The following EYS variants were observed in gnomAD, a reference collection of about 807,000 sequenced individuals.
EYS encodes protein eyes shut homolog.
Under a neutral mutation model 282.1 loss-of-function variants are expected in EYS, and 250 were observed. The ratio of observed to expected loss-of-function variants is 0.89; its 90% CI spans 0.80 to 0.98. EYS has a LOEUF of 0.98. Among genes scored for constraint, EYS ranks in the 50% least tolerant of loss-of-function variants. The probability of loss-of-function intolerance (pLI) is 0.00; values close to 1 mark genes in which losing one functional copy is unlikely to be tolerated. For synonymous variants in EYS, 1,355 were observed against 1,282.9 expected (o/e 1.06, Z -1.20); for missense variants, 4,016 against 3,709.0 (o/e 1.08, Z -2.15).
chr6:65,442,798 A>G (rs1239220735), intron 5 of EYS, among the ~76,000 whole-genome samples: 3 of 124,144 alleles, frequency 2.4e-5, no homozygotes, highest in African/African-American at 7.6e-5. Context: ...AAATATATAG[A>G]CACACACACA....
chr6:64,695,746 G>A (rs560781607), intron 22 of EYS, among the ~76,000 whole-genome samples: 7 of 151,738 alleles, frequency 4.6e-5, no homozygotes, highest in South Asian at 2.1e-4. Flanking sequence ...CACCATGCCC[G>A]GCTAATTTTT....
At chr6:65,453,929 T>C (rs990795212) in intron 5 of EYS, among the ~76,000 whole-genome samples, 2 of 151,930 alleles carry the variant, frequency 1.3e-5, no homozygotes, top group Non-Finnish European at 1.5e-5. Flanking sequence ...CATTCGTCCC[T>C]TGTTGGACTT....
chr6:64,970,014 C>T (rs926149932), intron 14 of EYS, among the ~76,000 whole-genome samples: 2 of 151,970 alleles, frequency 1.3e-5, no homozygotes, highest in African/African-American at 4.8e-5. Flanking sequence ...ACAGTTGTTC[C>T]ATGAACAACA....
In EYS at chr6:64,687,917, G is replaced by A. The variant is rs181731440; in HGVS notation, c.3444-61672C>T. ...TTTCAGAGCCTGTTATTATTGGTCT[G>A]TTCAGGGATTCAACTTCTTCTTTGT... is the stretch of plus-strand genomic sequence containing the variant. On this transcript the variant is annotated intron_variant, in intron 22 of 42. Transcript: ENST00000503581. 2.9e-3 allele frequency among the ~76,000 whole-genome samples: 436 copies of A among 151,928 alleles called. 7 individuals carry two copies. The highest frequency in any genetic ancestry group is 0.025 in the Admixed American group (387 of 15,228).
chr6:64,994,376 C>T (rs1771177279), intron 14 of EYS, among the ~76,000 whole-genome samples: 1 of 151,956 alleles, frequency 6.6e-6, no homozygotes, highest in African/African-American at 2.4e-5. Context: ...AAAGAAAATG[C>T]TGTAAATATA....
At chr6:65,397,489 C>T (rs1008753260) in intron 7 of EYS, among the ~76,000 whole-genome samples, 5 of 151,568 alleles carry the variant, frequency 3.3e-5, no homozygotes, top group South Asian at 2.1e-4. Context: ...TTTCTGGTTC[C>T]GAGTCATTTC....
At chr6:65,615,743 G>A (rs996492263) in intron 2 of EYS, among the ~76,000 whole-genome samples, 1 of 151,868 alleles carries the variant, frequency 6.6e-6, no homozygotes, top group African/African-American at 2.4e-5. Context: ...AGTCAACCTG[G>A]CTAACACGGT....
intron 35 of EYS, among the ~76,000 whole-genome samples, chr6:63,890,562 ACTGTAC>A (rs1286698585): frequency 6.6e-6 from 1 of 152,170 alleles, no homozygotes; most frequent in Non-Finnish European, 1.5e-5. Context: ...ATAAAGACAC[ACTGTAC>A]CAGAATCTCT....
At chr6:64,633,656 C>A (rs1426720963) in intron 22 of EYS, among the ~76,000 whole-genome samples, 10 of 151,106 alleles carry the variant, frequency 6.6e-5, no homozygotes, top group African/African-American at 2.4e-4. Flanking sequence ...GGAGCCTAAG[C>A]CCCCTTTTAA....
chr6:63,741,081 T>C (rs1319345510), intron 41 of EYS, among the ~76,000 whole-genome samples: 2 of 152,182 alleles, frequency 1.3e-5, no homozygotes, highest in African/African-American at 4.8e-5. Flanking sequence ...ATCTACTGAG[T>C]TCTGGCCAAT....
chr6:64,365,269 A>G (rs1772149402), intron 29 of EYS, among the ~76,000 whole-genome samples: 1 of 152,008 alleles, frequency 6.6e-6, no homozygotes, highest in African/African-American at 2.4e-5. Flanking sequence ...AGTGAGTGCT[A>G]GGCTACATAT....
intron 26 of EYS, among the ~76,000 whole-genome samples, chr6:64,448,650 A>C (rs575306296): frequency 7.9e-5 from 12 of 152,228 alleles, no homozygotes; most frequent in African/African-American, 2.9e-4. Context: ...TACTCCTCTG[A>C]GACAAAACTT....
At position 65,162,911 on chromosome 6, in the gene EYS, T is replaced by TTGTGTGTGTGTGTGTGTGTGTG. The variant is rs3036015; in HGVS notation, c.2024-105206_2024-105185dup. 6.0e-3 allele frequency among the ~76,000 whole-genome samples: 877 copies of TTGTGTGTGTGTGTGTGTGTGTG among 147,378 alleles called. 7 individuals are homozygous for TTGTGTGTGTGTGTGTGTGTGTG. Among genetic ancestry groups the TTGTGTGTGTGTGTGTGTGTGTG allele is most frequent in the Non-Finnish European group, 9.5e-3 (626 of 66,186 alleles). The stretch of plus-strand genomic sequence containing the variant: ...ACTGCAACAAGGCCTCCTGTTCTGT[T>TTGTGTGTGTGTGTGTGTGTGTG]TGTGTGTGTGTGTGTGTGTGTGTGT... On this transcript the variant is annotated intron_variant, in intron 12 of 42. Coordinates refer to ENST00000503581, the MANE Select transcript of EYS (RefSeq NM_001142800.2).
At chr6:65,652,368 G>A (rs1023489250) in intron 1 of EYS, among the ~76,000 whole-genome samples, 1 of 151,956 alleles carries the variant, frequency 6.6e-6, no homozygotes, top group African/African-American at 2.4e-5. Flanking sequence ...GTTTATTGAG[G>A]CAATTGGAGG....
chr6:64,715,662 A>G (rs1446210719), intron 22 of EYS, among the ~76,000 whole-genome samples: 1 of 152,184 alleles, frequency 6.6e-6, no homozygotes, highest in Non-Finnish European at 1.5e-5. Context: ...ACCAACTGGG[A>G]GAAAGAAGAC....
chr6:64,658,931 A>G (rs1047609379), intron 22 of EYS, among the ~76,000 whole-genome samples: 1 of 152,250 alleles, frequency 6.6e-6, no homozygotes, highest in Non-Finnish European at 1.5e-5. Context: ...TCAACAGAAT[A>G]TACATTCTTC....
At chr6:64,295,444 GGAAGAAGAAGAAGAAGAA>G (rs750048240) in intron 30 of EYS, among the ~76,000 whole-genome samples, 13 of 5,872 alleles carry the variant, frequency 2.2e-3, no homozygotes, top group African/African-American at 6.4e-3. Context: ...AGGAAGAAGA[GGAAGAAGAAGAAGAAGAA>G]GAAGAAGAAG....
intron 18 of EYS, among the ~76,000 whole-genome samples, chr6:64,890,135 T>TA (rs972875274): frequency 6.6e-6 from 1 of 151,460 alleles, no homozygotes; most frequent in African/African-American, 2.4e-5. Context: ...CCAGGCTTAT[T>TA]AGGAAGAGGA....
rs34986024 is a variant in EYS, at chr6:63,957,112, G to A, written c.7055+27271C>T. Among the ~76,000 whole-genome samples the A allele has an allele frequency of 9.8e-5, 14 of 142,462 alleles. 2 individuals carry two copies. The highest frequency in any genetic ancestry group is 4.5e-4 in the South Asian group (2 of 4,488). 93.5% of individuals were successfully genotyped at this position (142,462 alleles called of 152,430 possible). ...GCCAATAGCATTATAACTCATGCCC[G>A]GATGAAGCTTATGTAAGACAATATT... On this transcript the variant is annotated intron_variant, in intron 35 of 42. Transcript: ENST00000503581.
Sources: gnomAD v4.1 joint callset for allele counts (sites outside exome capture counted in the v4.1 genomes callset) on GRCh38, gnomAD v4.1.1 for gene constraint, MANE v1.5 for transcripts, NCBI Gene and HGNC (gene_info 2026-07-23, HGNC 2026-07-21) for gene names.